Variants in STARD13 observed in about 807,000 individuals in gnomAD.
The protein encoded by STARD13 is stAR-related lipid transfer protein 13.
Under a neutral mutation model 106.4 loss-of-function variants are expected in STARD13, and 62 were observed. The observed-to-expected ratio is 0.58, with a 90% CI of 0.48 to 0.72. The LOEUF (loss-of-function observed/expected upper bound fraction) is 0.72. Among genes scored for constraint, STARD13 ranks in the 30% least tolerant of loss-of-function variants. The pLI, the probability that STARD13 is intolerant of heterozygous loss-of-function variation, is 0.00. For missense variants in STARD13, 1,387 were observed against 1,424.0 expected (o/e 0.97, Z 0.42); for synonymous variants, 565 against 553.0 (o/e 1.02, Z -0.31).
At chr13:33,604,870 C>T in the STARD13 span, among the ~76,000 whole-genome samples, 261 of 151,530 alleles carry the variant, frequency 1.7e-3, 3 homozygotes, top group African/African-American at 6.2e-3. Context: ...TAAACAATAA[C>T]TATGAGTACA....
chr13:33,600,135 A>G, the STARD13 span, among the ~76,000 whole-genome samples: 1 of 152,188 alleles, frequency 6.6e-6, no homozygotes, highest in Non-Finnish European at 1.5e-5. Flanking sequence ...CAAATTGTGA[A>G]GAAATAATCA....
At chr13:33,575,052 G>C in the STARD13 span, among the ~76,000 whole-genome samples, 1 of 151,580 alleles carries the variant, frequency 6.6e-6, no homozygotes, top group Non-Finnish European at 1.5e-5. Context: ...GAGGAGCTGG[G>C]ATTACAGGCA....
the STARD13 span, among the ~76,000 whole-genome samples, chr13:33,648,724 A>G: frequency 6.6e-6 from 1 of 151,786 alleles, no homozygotes; most frequent in African/African-American, 2.4e-5. Flanking sequence ...GCTACTTACC[A>G]AAGAGTTTGT....
At chr13:33,551,568 C>CTTTTTTT in the STARD13 span, among the ~76,000 whole-genome samples, 1,566 of 44,790 alleles carry the variant, frequency 0.035, 766 homozygotes, top group East Asian at 0.091. Flanking sequence ...TTTGCTTTTC[C>CTTTTTTT]CTTTTTTTTT....
At chr13:33,172,240 A>T (rs1445674668) in intron 1 of STARD13, among the ~76,000 whole-genome samples, 2 of 152,222 alleles carry the variant, frequency 1.3e-5, no homozygotes, top group East Asian at 3.8e-4. Flanking sequence ...TGTAAAAAAA[A>T]TGGGAAATTT....
In STARD13 at chr13:33,329,793, T is replaced by A. The variant is rs558485858; in HGVS notation, c.124+20497A>T. ...ATCTCGGCTCACTGCAACCTCCACCTCCCGGGTCCCAGTGATTCTCCTGCC... is the reference window on the plus strand; with the variant it reads ...ATCTCGGCTCACTGCAACCTCCACCACCCGGGTCCCAGTGATTCTCCTGCC... On this transcript the variant is annotated intron_variant, in intron 1 of 5. Coordinates refer to the STARD13 transcript ENST00000567873. 5.4e-5 allele frequency among the ~76,000 whole-genome samples: 8 copies of A among 148,716 alleles called. 1 individual carries two copies. In the South Asian group the frequency reaches 9.0e-4, roughly 17 times the overall value.
At chr13:33,296,120 T>G (rs903020745) in intron 1 of STARD13, among the ~76,000 whole-genome samples, 1 of 151,630 alleles carries the variant, frequency 6.6e-6, no homozygotes, top group East Asian at 1.9e-4. Context: ...TCCCAGCTGC[T>G]CACGAGGTTG....
chr13:33,436,170 T>G, the STARD13 span, among the ~76,000 whole-genome samples: 1 of 152,238 alleles, frequency 6.6e-6, no homozygotes, highest in Admixed American at 6.5e-5. Flanking sequence ...GAGTTGTCCC[T>G]ATTGCCCTAG....
the STARD13 span, among the ~76,000 whole-genome samples, chr13:33,483,494 A>G: frequency 2.0e-5 from 3 of 152,080 alleles, no homozygotes; most frequent in African/African-American, 4.8e-5. Flanking sequence ...GTAGAAATTG[A>G]CCCTCCCAGT....
At chr13:33,435,246 A>T in the STARD13 span, among the ~76,000 whole-genome samples, 1 of 152,222 alleles carries the variant, frequency 6.6e-6, no homozygotes, top group African/African-American at 2.4e-5. Context: ...AAGTCCATGA[A>T]TTCCACTGCG....
chr13:33,528,169 T>TTA, the STARD13 span, among the ~76,000 whole-genome samples: 13,328 of 128,104 alleles, frequency 0.1, 794 homozygotes, highest in African/African-American at 0.17. Flanking sequence ...TAAGCTAATA[T>TTA]TATATATATA....
intron 2 of STARD13, among the ~76,000 whole-genome samples, chr13:33,167,066 C>A (rs1032958532): frequency 6.6e-6 from 1 of 151,638 alleles, no homozygotes; most frequent in Non-Finnish European, 1.5e-5. Flanking sequence ...GACACCTTAC[C>A]TAAAACTCGG....
the STARD13 span, among the ~76,000 whole-genome samples, chr13:33,388,364 C>A: frequency 6.6e-6 from 1 of 152,210 alleles, no homozygotes; most frequent in South Asian, 2.1e-4. Flanking sequence ...CTTTATCCAC[C>A]AGCAGAGGCA....
the STARD13 span, among the ~76,000 whole-genome samples, chr13:33,425,179 C>A: frequency 6.0e-3 from 907 of 152,224 alleles, 2 homozygotes; most frequent in Non-Finnish European, 9.6e-3. Flanking sequence ...TTTCATGGTG[C>A]CTTCTTTCAC....
intron 1 of STARD13, among the ~76,000 whole-genome samples, chr13:33,231,669 T>C (rs1888928828): frequency 6.6e-6 from 1 of 152,098 alleles, no homozygotes; most frequent in African/African-American, 2.4e-5. Flanking sequence ...AACTAACTGT[T>C]AAAGAATGGC....
At chr13:33,647,370 T>G in the STARD13 span, among the ~76,000 whole-genome samples, 3 of 152,234 alleles carry the variant, frequency 2.0e-5, no homozygotes, top group African/African-American at 7.2e-5. Flanking sequence ...ATATTTAATA[T>G]TTAGGGCTAA....
At chr13:33,623,428 TAAAAAAAAAAAA>T in the STARD13 span, among the ~76,000 whole-genome samples, 9 of 59,364 alleles carry the variant, frequency 1.5e-4, no homozygotes, top group African/African-American at 1.8e-4. Context: ...CTCAATAAAG[TAAAAAAAAAAAA>T]AAAAAAAAAA....
the STARD13 span, among the ~76,000 whole-genome samples, chr13:33,434,792 T>A: frequency 1.3e-5 from 2 of 152,092 alleles, no homozygotes; most frequent in Non-Finnish European, 2.9e-5. Context: ...TTTGAGCACC[T>A]GTTGTATGGC....
At chr13:33,125,112 T>C (rs1193861352) in intron 7 of STARD13, among the ~76,000 whole-genome samples, 1 of 152,208 alleles carries the variant, frequency 6.6e-6, no homozygotes, top group African/African-American at 2.4e-5. Context: ...ACCAGCCTGA[T>C]TCTAAGTGTG....
Sources: gnomAD v4.1 joint callset for allele counts (sites outside exome capture counted in the v4.1 genomes callset) on GRCh38, gnomAD v4.1.1 for gene constraint, MANE v1.5 for transcripts, NCBI Gene and HGNC (gene_info 2026-07-23, HGNC 2026-07-21) for gene names.